CRIM1: variants seen among roughly 807,000 people sequenced by gnomAD.
CRIM1 encodes the protein cysteine-rich motor neuron 1 protein.
In CRIM1, 32 loss-of-function variants were observed where a neutral mutation model predicts 116.4. The observed-to-expected ratio is 0.27, with a 90% CI of 0.21 to 0.37. CRIM1 has a LOEUF of 0.37. CRIM1 is among the 10% of genes least tolerant of loss of function. The pLI, the probability that CRIM1 is intolerant of heterozygous loss-of-function variation, is 1.00. For missense variants in CRIM1, 1,331 were observed against 1,354.8 expected (o/e 0.98, Z 0.28); for synonymous variants, 590 against 509.2 (o/e 1.16, Z -2.13).
At chr2:36,416,728 A>G (rs184066228) in intron 2 of CRIM1, among the ~76,000 whole-genome samples, 22 of 152,348 alleles carry the variant, frequency 1.4e-4, no homozygotes, top group African/African-American at 4.3e-4. Context: ...CAGTTGGAAG[A>G]AACCCTGGCA....
Position 36,537,358 on chromosome 2 carries a change from C to A in CRIM1, c.2435C>A (p.Thr812Lys). 2 of 1,614,166 alleles carry A rather than the reference C, an allele frequency of 1.2e-6. No individual in the cohort carries two copies. Among genetic ancestry groups the A allele is most frequent in the Non-Finnish European group, 1.7e-6 (2 of 1,180,014 alleles). Residue 812 changes from threonine (T) to lysine (K), a missense_variant, in exon 14 of 17, where the codon ACA becomes AAA. Physicochemically the swap from Thr to Lys is moderately conservative, Grantham distance 78. Coordinates refer to ENST00000280527, the MANE Select transcript of CRIM1 (RefSeq NM_016441.3). Reference sequence around the variant, plus strand: ...GTGCTGTTCTTTTCACTAGAAGACACAATTCCAAAGAAGGTGGTGTGCCAC... The same window carrying A: ...GTGCTGTTCTTTTCACTAGAAGACAAAATTCCAAAGAAGGTGGTGTGCCAC... ...GQCCPYCIED[T>K]IPKKVVCHFS... is the part of the protein sequence containing the mutation.
chr2:36,541,069 T>C (rs1203989538), intron 14 of CRIM1, among the ~76,000 whole-genome samples: 1 of 152,154 alleles, frequency 6.6e-6, no homozygotes, highest in African/African-American at 2.4e-5. Flanking sequence ...CAGTTGAGCT[T>C]TTGCCACCTT....
intron 2 of CRIM1, among the ~76,000 whole-genome samples, chr2:36,431,973 C>G (rs1189355836): frequency 6.6e-6 from 1 of 152,192 alleles, no homozygotes; most frequent in Non-Finnish European, 1.5e-5. Context: ...ATTTGTTGTT[C>G]TAAAATGGAT....
At chr2:36,527,844 C>T (rs1436044342) in intron 13 of CRIM1, among the ~76,000 whole-genome samples, 1 of 152,158 alleles carries the variant, frequency 6.6e-6, no homozygotes, top group Non-Finnish European at 1.5e-5. Context: ...GAACATTTTT[C>T]ACCGCTGCTT....
intron 7 of CRIM1, among the ~76,000 whole-genome samples, chr2:36,495,962 A>G (rs1015398873): frequency 1.3e-5 from 2 of 152,196 alleles, no homozygotes; most frequent in Admixed American, 6.5e-5. Context: ...ATGGTCTCAC[A>G]TGATAGGAAA....
Position 36,517,452 on chromosome 2 carries a change from G to A in CRIM1, c.2116G>A (p.Gly706Arg), listed in dbSNP as rs778622025. The change falls in exon 12 of 17, where the codon GGA (glycine) becomes AGA (arginine). Residue 706 changes from glycine to arginine, a missense_variant. This residue lies in a region of CRIM1 where 358 missense variants were observed against 436.1 expected (regional missense o/e 0.82). Coordinates refer to ENST00000280527, the MANE Select transcript of CRIM1 (RefSeq NM_016441.3). Reference protein sequence around the residue: ...DSCTQCTCHSGRVLCETEVCP... With the variant: ...DSCTQCTCHSRRVLCETEVCP... ...CTGTACTCAGTGCACCTGCCACAGC[G>A]GACGGGTGCTGTGTGAGACAGAGGT... The A allele has an allele frequency of 3.3e-5, 54 of 1,614,046 alleles. No individual in the cohort carries two copies. Among genetic ancestry groups the A allele is most frequent in the Middle Eastern group, 1.6e-4 (1 of 6,084 alleles).
intron 1 of CRIM1, among the ~76,000 whole-genome samples, chr2:36,386,442 A>G (rs1028497489): frequency 6.6e-6 from 1 of 152,216 alleles, no homozygotes; most frequent in Non-Finnish European, 1.5e-5. Flanking sequence ...AATATTTCAC[A>G]AGTAGGAAGA....
At chr2:36,450,608 T>A (rs759039351) in intron 4 of CRIM1, among the ~76,000 whole-genome samples, 2 of 152,152 alleles carry the variant, frequency 1.3e-5, no homozygotes, top group Non-Finnish European at 2.9e-5. Context: ...TAGAAGGCAA[T>A]TTCCCACTCA....
intron 4 of CRIM1, among the ~76,000 whole-genome samples, chr2:36,447,644 A>G (rs183984070): frequency 6.6e-6 from 1 of 152,268 alleles, no homozygotes; most frequent in Non-Finnish European, 1.5e-5. Flanking sequence ...GTTACAGAAC[A>G]CTTCTGCCAT....
Position 36,412,403 on chromosome 2 carries a change from G to T in CRIM1, c.505+15616G>T, listed in dbSNP as rs1176423984. ...AGCCCAAGTGAAATTGTGTTTTGGA[G>T]AAGCCTCCATATTTGGCCATCGAGA... On this transcript the variant is annotated intron_variant, in intron 2 of 16. Transcript: ENST00000280527. Among the ~76,000 whole-genome samples the T allele has an allele frequency of 2.0e-5, 3 of 152,276 alleles. No homozygotes were observed. The East Asian group carries it at 5.8e-4, about 29-fold the overall frequency.
chr2:36,364,434 A>G (rs572443209), intron 1 of CRIM1, among the ~76,000 whole-genome samples: 141 of 152,340 alleles, frequency 9.3e-4, no homozygotes, highest in African/African-American at 2.9e-3. Context: ...AAAGCAGACA[A>G]TTCATTACAA....
intron 1 of CRIM1, among the ~76,000 whole-genome samples, chr2:36,385,847 T>C (rs1430560975): frequency 2.0e-5 from 3 of 152,176 alleles, no homozygotes. Context: ...GATGAATCCA[T>C]GGAGAGTGCT....
chr2:36,521,996 A>G, intron 12 of CRIM1, 96 bp from the exon 13 acceptor site: 1 of 969,410 alleles, frequency 1.0e-6, no homozygotes, highest in South Asian at 1.4e-5. Flanking sequence ...GAGGCACCGA[A>G]AGCCATCATG....
At chr2:36,366,485 A>G (rs2148292044) in intron 1 of CRIM1, among the ~76,000 whole-genome samples, 1 of 152,318 alleles carries the variant, frequency 6.6e-6, no homozygotes, top group Admixed American at 6.5e-5. Flanking sequence ...GAGAATTTGA[A>G]CAGTTTGCTA....
intron 2 of CRIM1, among the ~76,000 whole-genome samples, chr2:36,428,581 C>CT (rs1489963930): frequency 3.3e-5 from 5 of 152,180 alleles, no homozygotes; most frequent in Admixed American, 6.5e-5. Flanking sequence ...TACCTCATTG[C>CT]TTTTATTAAA....
At chr2:36,414,755 AAAGTTGTGAT>A (rs1414672254) in intron 2 of CRIM1, among the ~76,000 whole-genome samples, 1 of 152,180 alleles carries the variant, frequency 6.6e-6, no homozygotes, top group Non-Finnish European at 1.5e-5. Context: ...CGAGGGACTT[AAAGTTGTGAT>A]GTGGCTGTAG....
intron 13 of CRIM1, among the ~76,000 whole-genome samples, chr2:36,535,554 C>T (rs559794980): frequency 5.9e-5 from 9 of 152,144 alleles, no homozygotes; most frequent in Non-Finnish European, 1.2e-4. Context: ...CTTAATGCCC[C>T]TTGTTGAACC....
chr2:36,469,812 C>G (rs181996214), intron 5 of CRIM1, among the ~76,000 whole-genome samples: 1 of 152,150 alleles, frequency 6.6e-6, no homozygotes. Flanking sequence ...GAGCACCCCT[C>G]GTGTTCCTGG....
intron 8 of CRIM1, among the ~76,000 whole-genome samples, chr2:36,504,954 G>A (rs1358803802): frequency 1.3e-5 from 2 of 152,120 alleles, no homozygotes; most frequent in African/African-American, 4.8e-5. Flanking sequence ...GCTTTTTCTA[G>A]AAACTGATGC....
Sources: allele counts gnomAD v4.1 joint callset (sites outside exome capture counted in the v4.1 genomes callset), GRCh38; gene constraint gnomAD v4.1.1; regional missense constraint gnomAD v4.1.1; transcripts MANE v1.5; gene names NCBI Gene and HGNC (gene_info 2026-07-23, HGNC 2026-07-21).